OSBP2: variants seen among roughly 807,000 people sequenced by gnomAD.
OSBP2 encodes the protein oxysterol-binding protein 2.
In OSBP2, 66 loss-of-function variants were observed where a neutral mutation model predicts 96.0. That is an observed-to-expected ratio of 0.69 (90% CI 0.56 to 0.84). OSBP2 has a LOEUF of 0.84. Among genes scored for constraint, OSBP2 ranks in the 40% least tolerant of loss-of-function variants. The pLI is 0.00. For missense variants in OSBP2, 1,038 were observed against 1,222.7 expected, an observed-to-expected ratio of 0.85 and a Z score of 2.25; for synonymous variants, 525 against 520.9, an observed-to-expected ratio of 1.01 and a Z score of -0.11.
At chr22:30,783,835 T>G (rs1261986205) in intron 2 of OSBP2, among the ~76,000 whole-genome samples, 1 of 152,232 alleles carries the variant, frequency 6.6e-6, no homozygotes, top group Non-Finnish European at 1.5e-5. Context: ...ACATTGCCCC[T>G]TGACCCTGGA....
At chr22:30,861,828 G>A (rs1365790665) in intron 2 of OSBP2, among the ~76,000 whole-genome samples, 1 of 152,128 alleles carries the variant, frequency 6.6e-6, no homozygotes, top group Non-Finnish European at 1.5e-5. Context: ...AGGGGCCCTC[G>A]CCGCTTCTAT....
chr22:30,811,173 C>A (rs534952306), intron 2 of OSBP2, among the ~76,000 whole-genome samples: 62 of 148,664 alleles, frequency 4.2e-4, no homozygotes, highest in East Asian at 1.1e-3. Context: ...AACCCCCCCC[C>A]CACACATACA....
At chr22:30,694,146 C>A, upstream of OSBP2, 1 of 1,549,914 alleles carries the variant, frequency 6.5e-7, no homozygotes, top group East Asian at 2.4e-5. Flanking sequence ...CAGAATCCCA[C>A]TTTGAGATGT....
In OSBP2 at chr22:30,906,316, C is replaced by T; in HGVS notation, c.2728C>T (p.His910Tyr). Residue 910 changes from histidine (H) to tyrosine (Y), a missense_variant, in exon 14 of 14, where the codon CAT becomes TAT. This residue lies in a region of OSBP2 where 737 missense variants were observed against 913.3 expected (regional missense o/e 0.81). Coordinates refer to ENST00000332585, the MANE Select transcript of OSBP2 (RefSeq NM_030758.4). The stretch of plus-strand genomic sequence containing the variant: ...GGAGGCCAAGGAGAAGCAAGACTGG[C>T]ATATGTGCCCCAACATCTTCTGAGC... ...YWEAKEKQDW[H>Y]MCPNIF 1 of 1,611,458 alleles carries T rather than the reference C, an allele frequency of 6.2e-7. No individual in the cohort carries two copies.
chr22:30,787,983 C>G lies in OSBP2; in HGVS notation c.853+46614C>G, dbSNP rs530299659. ...AGGACAGAAGCATGGAGACTGAGAG[C>G]GCTTCAGTAGGCAGAGCCAAGCTCC... On this transcript the variant is annotated intron_variant, in intron 2 of 13. Coordinates refer to ENST00000332585, the MANE Select transcript of OSBP2 (RefSeq NM_030758.4). Among the ~76,000 whole-genome samples, 4 of 152,236 alleles carry G rather than the reference C, an allele frequency of 2.6e-5. No homozygotes were observed. The East Asian group carries it at 7.7e-4, about 29-fold the overall frequency.
chr22:30,747,480 C>G (rs1381155602), intron 2 of OSBP2, among the ~76,000 whole-genome samples: 1 of 151,802 alleles, frequency 6.6e-6, no homozygotes, highest in Non-Finnish European at 1.5e-5. Flanking sequence ...TGCCTTGTCC[C>G]CAAAAATAAT....
intron 8 of OSBP2, among the ~76,000 whole-genome samples, chr22:30,891,478 C>T (rs900150580): frequency 6.6e-6 from 1 of 152,216 alleles, no homozygotes; most frequent in Non-Finnish European, 1.5e-5. Context: ...CCTGGGCGTC[C>T]TGGTTGGAAA....
intron 1 of OSBP2, among the ~76,000 whole-genome samples, chr22:30,709,710 T>C (rs1478922429): frequency 2.0e-5 from 3 of 151,868 alleles, no homozygotes; most frequent in Admixed American, 1.3e-4. Flanking sequence ...AAAAAAATTT[T>C]TTTTTTTTAA....
intron 2 of OSBP2, among the ~76,000 whole-genome samples, chr22:30,780,638 C>T (rs148885174): frequency 0.037 from 5,686 of 152,194 alleles, 206 homozygotes; most frequent in African/African-American, 0.095. Flanking sequence ...GCTGGGATTA[C>T]AGGCGCCCGC....
At position 30,870,777 on chromosome 22, in the gene OSBP2, G is replaced by T; in HGVS notation, c.1107+95G>T. 2.2e-6 allele frequency: 3 copies of T among 1,336,710 alleles called. No individual in the cohort carries two copies. Among genetic ancestry groups the T allele is most frequent in the Non-Finnish European group, 3.1e-6 (3 of 969,696 alleles). 82.8% of individuals were successfully genotyped at this position (1,336,710 alleles called of 1,614,324 possible). On this transcript the variant is annotated intron_variant, in intron 3 of 13. Coordinates refer to ENST00000332585, the MANE Select transcript of OSBP2 (RefSeq NM_030758.4). This position sits in a 1 kb window ranked among gnomAD's most constrained non-coding sequence, Gnocchi z 4.1. ...ACCAGGGTCAGCTTGAAGGGTCAGC[G>T]TTCCATTTCCTGCGGTTCCACGGTG...
chr22:30,840,324 G>A lies in OSBP2; in HGVS notation c.854-30105G>A, dbSNP rs201431844. Among the ~76,000 whole-genome samples, 69 of 130,992 alleles carry A rather than the reference G, an allele frequency of 5.3e-4. 1 individual carries two copies. The highest frequency in any genetic ancestry group is 1.4e-3 in the East Asian group (6 of 4,384). The allele number at this position is 130,992 out of a possible 152,430, so 85.9% of individuals were successfully genotyped here. On this transcript the variant is annotated intron_variant, in intron 2 of 13. Coordinates refer to ENST00000332585, the MANE Select transcript of OSBP2 (RefSeq NM_030758.4). ...ACCTGTTAAAAAAAAAAAGAAAAAG[G>A]AAAAAAAAAAAGAAAGCTGAAACTG...
At chr22:30,897,154 TAATC>T (rs1896122808) in intron 12 of OSBP2, among the ~76,000 whole-genome samples, 1 of 152,350 alleles carries the variant, frequency 6.6e-6, no homozygotes, top group Middle Eastern at 3.4e-3. Context: ...AAGGTTGAGT[TAATC>T]AAAAAGATAT....
At position 30,889,572 on chromosome 22, in the gene OSBP2, G is replaced by A. The variant is rs2039896961; in HGVS notation, c.1559G>A (p.Ser520Asn). 8 of 1,614,114 alleles carry A rather than the reference G, an allele frequency of 5.0e-6. No individual in the cohort carries two copies. The African/African-American group carries it at 8.0e-5, about 16-fold the overall frequency. ...RVRIPNKPNY[S>N]LNLWSIMKNC... Reference sequence around the variant, plus strand: ...CGCATTCCCAACAAGCCCAACTACAGCCTTAACCTCTGGAGCATCATGAAG... The same window carrying A: ...CGCATTCCCAACAAGCCCAACTACAACCTTAACCTCTGGAGCATCATGAAG... Residue 520 changes from serine to asparagine, a missense_variant, in exon 7 of 14, where the codon AGC (serine) becomes AAC (asparagine). Coordinates refer to ENST00000332585, the MANE Select transcript of OSBP2 (RefSeq NM_030758.4).
Position 30,893,868 on chromosome 22 carries a change from G to A in OSBP2, c.2242G>A (p.Gly748Ser), listed in dbSNP as rs367777319. 11 of 1,583,054 alleles carry A rather than the reference G, an allele frequency of 6.9e-6. No homozygotes were observed. Among genetic ancestry groups the A allele is most frequent in the African/African-American group, 1.3e-5 (1 of 74,390 alleles). The change falls in exon 12 of 14, where the codon GGC (glycine) becomes AGC (serine). Residue 748 changes from glycine to serine, a missense_variant. Physicochemically the swap from Gly to Ser is moderately conservative, Grantham distance 56. Coordinates refer to ENST00000332585, the MANE Select transcript of OSBP2 (RefSeq NM_030758.4). ...SQGKAHYVLS[G>S]SWDEQMECSK... Reference sequence around the variant, plus strand: ...GGGCAAGGCCCATTACGTGCTGTCCGGCTCGTGGGATGAACAAATGGAGTG... The same window carrying A: ...GGGCAAGGCCCATTACGTGCTGTCCAGCTCGTGGGATGAACAAATGGAGTG...
chr22:30,720,540 T>C (rs1044819564), intron 1 of OSBP2, among the ~76,000 whole-genome samples: 1 of 152,172 alleles, frequency 6.6e-6, no homozygotes. Context: ...CCAGTGTGCC[T>C]ACCCTGAAAT....
intron 2 of OSBP2, among the ~76,000 whole-genome samples, chr22:30,758,294 G>T (rs1159385288): frequency 6.6e-6 from 1 of 152,132 alleles, no homozygotes; most frequent in Non-Finnish European, 1.5e-5. Flanking sequence ...CCAGCTACTG[G>T]GGAGGCTGAG....
chr22:30,696,025 A>G (rs1481374325), intron 1 of OSBP2, among the ~76,000 whole-genome samples: 3 of 152,088 alleles, frequency 2.0e-5, no homozygotes, highest in Non-Finnish European at 2.9e-5. Context: ...AGTTACTCCC[A>G]CCTTTCCTGA....
chr22:30,861,031 C>G (rs993048107), intron 2 of OSBP2, among the ~76,000 whole-genome samples: 1 of 152,162 alleles, frequency 6.6e-6, no homozygotes. Flanking sequence ...GTTCACCCCT[C>G]GTTTTGGTTC....
chr22:30,794,971 C>T (rs974794547), intron 2 of OSBP2, among the ~76,000 whole-genome samples: 25 of 148,744 alleles, frequency 1.7e-4, no homozygotes, highest in African/African-American at 5.5e-4. Context: ...AGTGCAGTGG[C>T]GCAATCTCTG....
Sources: gnomAD v4.1 joint callset for allele counts (sites outside exome capture counted in the v4.1 genomes callset) on GRCh38, gnomAD v4.1.1 for gene constraint, gnomAD v4.1.1 regional missense constraint, Gnocchi (gnomAD v3.1) non-coding constraint, MANE v1.5 for transcripts, NCBI Gene and HGNC (gene_info 2026-07-23, HGNC 2026-07-21) for gene names.